Variants in PCDH11X observed in about 807,000 individuals in gnomAD.
The protein encoded by PCDH11X is protocadherin-11 X-linked.
Under a neutral mutation model 53.3 loss-of-function variants are expected in PCDH11X, and 18 were observed. The ratio of observed to expected loss-of-function variants is 0.34; its 90% CI spans 0.23 to 0.50. The LOEUF is 0.50. Among genes scored for constraint, PCDH11X ranks in the 20% least tolerant of loss-of-function variants. The pLI, the probability that PCDH11X is intolerant of heterozygous loss-of-function variation, is 0.98. For synonymous variants in PCDH11X, 279 were observed against 393.3 expected, an observed-to-expected ratio of 0.71 and a Z score of 3.44; for missense variants, 570 against 1,032.4, an observed-to-expected ratio of 0.55 and a Z score of 6.14.
chrX:91,829,513 C>T (rs1238786684), intron 4 of PCDH11X, among the ~76,000 whole-genome samples: 2 of 109,378 alleles, frequency 1.8e-5, no homozygotes, highest in Admixed American at 2.0e-4. Flanking sequence ...CCTGAACCCT[C>T]CATTATTGAA....
intron 6 of PCDH11X, among the ~76,000 whole-genome samples, chrX:92,068,851 A>C (rs1251031986): frequency 9.1e-6 from 1 of 110,407 alleles, no homozygotes; most frequent in Non-Finnish European, 1.9e-5. Context: ...GATTCTTGAT[A>C]TTGTTTCAAT....
chrX:92,029,112 A>G (rs772281545), intron 6 of PCDH11X, among the ~76,000 whole-genome samples: 88 of 111,695 alleles, frequency 7.9e-4, no homozygotes, highest in Non-Finnish European at 1.5e-3. Context: ...TAGCTTATGC[A>G]TTATGAGAAT....
chrX:92,341,271 T>G (rs2148515484), intron 8 of PCDH11X, among the ~76,000 whole-genome samples: 1 of 111,697 alleles, frequency 9.0e-6, no homozygotes, highest in Non-Finnish European at 1.9e-5. Flanking sequence ...TTCCAAACTT[T>G]CCTCATCTTC....
At chrX:91,885,160 A>G (rs1346549771) in intron 6 of PCDH11X, among the ~76,000 whole-genome samples, 1 of 106,216 alleles carries the variant, frequency 9.4e-6, no homozygotes, top group Non-Finnish European at 1.9e-5. Flanking sequence ...TTTACTGCTT[A>G]TGGTAGATAT....
At chrX:92,460,465 A>G in intron 9 of PCDH11X, 1 of 747,437 alleles carries the variant, frequency 1.3e-6, no homozygotes, top group Non-Finnish European at 2.1e-6. Context: ...GGAGCTAGAC[A>G]AATACTGGCC....
intron 9 of PCDH11X, among the ~76,000 whole-genome samples, chrX:92,432,960 C>T (rs1406228482): frequency 1.8e-5 from 2 of 110,585 alleles, no homozygotes; most frequent in East Asian, 5.7e-4. Flanking sequence ...TATAGAAAGT[C>T]ATGTTGTATT....
chrX:92,460,432 G>A (rs999966471), intron 9 of PCDH11X: 14 of 818,475 alleles, frequency 1.7e-5, no homozygotes, highest in East Asian at 3.1e-5. Context: ...CCAATATGAC[G>A]ACCTGGCTGG....
intron 6 of PCDH11X, among the ~76,000 whole-genome samples, chrX:91,900,190 A>G (rs2189408): frequency 0.02 from 2,182 of 110,890 alleles, 23 homozygotes; most frequent in Non-Finnish European, 0.031. Flanking sequence ...TACCCCAGCA[A>G]ACACTGTAAC....
chrX:92,275,763 G>C (rs1191411618), intron 8 of PCDH11X, among the ~76,000 whole-genome samples: 3 of 111,663 alleles, frequency 2.7e-5, no homozygotes, highest in Non-Finnish European at 5.6e-5. Flanking sequence ...TGTAGCAGGC[G>C]AGTGATAACA....
chrX:92,364,186 G>A (rs12392346), intron 8 of PCDH11X, among the ~76,000 whole-genome samples: 2,286 of 111,402 alleles, frequency 0.021, 57 homozygotes, highest in African/African-American at 0.069. Context: ...CTTAACAATG[G>A]CAATATGTTC....
At chrX:91,892,977 G>A (rs1228311754) in intron 6 of PCDH11X, among the ~76,000 whole-genome samples, 4 of 109,878 alleles carry the variant, frequency 3.6e-5, no homozygotes, top group South Asian at 7.9e-4. Context: ...ATACCAGAGA[G>A]TATATGACAA....
chrX:91,911,614 C>T (rs1941370253), intron 6 of PCDH11X, among the ~76,000 whole-genome samples: 1 of 110,064 alleles, frequency 9.1e-6, no homozygotes, highest in Admixed American at 9.8e-5. Flanking sequence ...CCTCCTCTCC[C>T]CAACTTACCA....
chrX:92,013,227 A>G (rs1187274207), intron 6 of PCDH11X, among the ~76,000 whole-genome samples: 1 of 111,800 alleles, frequency 8.9e-6, no homozygotes, highest in Non-Finnish European at 1.9e-5. Flanking sequence ...AAGCATTCTT[A>G]TACACCAATA....
chrX:92,364,020 C>T (rs2522664), intron 8 of PCDH11X, among the ~76,000 whole-genome samples: 1 of 110,135 alleles, frequency 9.1e-6, no homozygotes, highest in Admixed American at 9.7e-5. Flanking sequence ...ACTACTCAGT[C>T]TTGGTGTGTA....
At chrX:91,996,368 C>T (rs1341203503) in intron 6 of PCDH11X, among the ~76,000 whole-genome samples, 2 of 86,762 alleles carry the variant, frequency 2.3e-5, no homozygotes, top group African/African-American at 9.0e-5. Flanking sequence ...AGACTGGTCT[C>T]GAACTCCTGA....
intron 10 of PCDH11X, among the ~76,000 whole-genome samples, chrX:92,494,276 T>A (rs1739646909): frequency 9.5e-6 from 1 of 105,543 alleles, no homozygotes; most frequent in Admixed American, 1.0e-4. Context: ...CATGCATATA[T>A]GGTCAGTCCT....
intron 8 of PCDH11X, among the ~76,000 whole-genome samples, chrX:92,373,298 G>A (rs1406334913): frequency 1.8e-5 from 2 of 111,423 alleles, no homozygotes; most frequent in African/African-American, 3.3e-5. Flanking sequence ...TTGGGCTACA[G>A]GAGTTAATTG....
At chrX:92,286,369 A>G (rs1254395321) in intron 8 of PCDH11X, among the ~76,000 whole-genome samples, 3 of 110,030 alleles carry the variant, frequency 2.7e-5, no homozygotes, top group Admixed American at 9.7e-5. Context: ...ATTAAAGGTT[A>G]ACAGAAAGTC....
intron 9 of PCDH11X, among the ~76,000 whole-genome samples, chrX:92,405,818 G>C (rs2071493806): frequency 9.0e-6 from 1 of 111,149 alleles, no homozygotes; most frequent in East Asian, 2.8e-4. Flanking sequence ...TTCTAGGCCG[G>C]GCGCAGTGGC....
Sources: gnomAD v4.1 joint callset for allele counts (sites outside exome capture counted in the v4.1 genomes callset) on GRCh38, gnomAD v4.1.1 for gene constraint, MANE v1.5 for transcripts, NCBI Gene and HGNC (gene_info 2026-07-23, HGNC 2026-07-21) for gene names.